Variants in NELL2 observed in about 807,000 individuals in gnomAD.
NELL2 encodes the protein neural EGFL like 2.
NELL2 carries 41 observed loss-of-function variants against 109.6 expected under a neutral mutation model. That is an observed-to-expected ratio of 0.37 (90% CI 0.29 to 0.49). NELL2 has a LOEUF of 0.49. NELL2 is among the 20% of genes least tolerant of loss of function. The pLI is 0.98. For missense variants in NELL2, 900 were observed against 1,008.3 expected (o/e 0.89, Z 1.45); for synonymous variants, 355 against 344.7 (o/e 1.03, Z -0.33).
chr12:44,618,742 A>C (rs1013855674), intron 13 of NELL2, among the ~76,000 whole-genome samples: 1 of 152,186 alleles, frequency 6.6e-6, no homozygotes, highest in African/African-American at 2.4e-5. Flanking sequence ...ACTATGATAT[A>C]TTGTAGAAGT....
intron 2 of NELL2, among the ~76,000 whole-genome samples, chr12:44,825,524 TAGC>T (rs1399586743): frequency 4.1e-5 from 6 of 146,490 alleles, no homozygotes; most frequent in Non-Finnish European, 7.5e-5. Context: ...GCCTCCCCAA[TAGC>T]TGGAGCTACA....
upstream of NELL2, among the ~76,000 whole-genome samples, chr12:44,877,479 A>G (rs932172843): frequency 3.9e-5 from 6 of 152,262 alleles, no homozygotes; most frequent in Non-Finnish European, 7.3e-5. Context: ...ACAAAGATCA[A>G]TTGGGTTTCT....
intron 12 of NELL2, among the ~76,000 whole-genome samples, chr12:44,686,483 G>C (rs982765848): frequency 3.3e-5 from 5 of 152,222 alleles, no homozygotes; most frequent in African/African-American, 9.7e-5. Flanking sequence ...TGGAGGAGGA[G>C]AGGCGCTCTG....
chr12:44,782,796 A>C (rs535346321), intron 3 of NELL2, among the ~76,000 whole-genome samples: 1 of 152,140 alleles, frequency 6.6e-6, no homozygotes, highest in Admixed American at 6.6e-5. Flanking sequence ...CCACAATTAC[A>C]GTTGCAGACG....
At chr12:44,734,489 T>G (rs1187793516) in intron 9 of NELL2, among the ~76,000 whole-genome samples, 1 of 151,986 alleles carries the variant, frequency 6.6e-6, no homozygotes, top group African/African-American at 2.4e-5. Flanking sequence ...AATTTTTAAA[T>G]AAACTGTCTT....
rs563731828 is a variant in NELL2 at position 44,827,707 on chromosome 12, T to C, written c.185-11571A>G. ...GTGTAAGTACCATATTTTCATTATC[T>C]ATCTGTTGGTGGACATTTTGGTTGC... is the stretch of plus-strand genomic sequence containing the variant. On this transcript the variant is annotated intron_variant, in intron 2 of 19. Transcript: ENST00000429094. 1.0e-3 allele frequency among the ~76,000 whole-genome samples: 157 copies of C among 152,332 alleles called. 1 individual carries two copies. The highest frequency in any genetic ancestry group is 3.2e-3 in the African/African-American group (135 of 41,578).
At chr12:44,683,051 G>C (rs1948581798) in intron 12 of NELL2, among the ~76,000 whole-genome samples, 1 of 152,160 alleles carries the variant, frequency 6.6e-6, no homozygotes, top group Non-Finnish European at 1.5e-5. Context: ...CTACCCGTGA[G>C]GATGGAATGT....
In NELL2 at chr12:44,638,072, C is replaced by T. The variant is rs546616627; in HGVS notation, c.1445-27102G>A. ...CCAGTAACTCTTTCACTCTCACTCC[C>T]GAGAATTTTCTTCCTCAATGAATTT... is the stretch of plus-strand genomic sequence containing the variant. On this transcript the variant is annotated intron_variant, in intron 13 of 19. Coordinates refer to ENST00000429094, the MANE Select transcript of NELL2 (RefSeq NM_001145108.2). Among the ~76,000 whole-genome samples, 11 of 152,156 alleles carry T rather than the reference C, an allele frequency of 7.2e-5. No individual in the cohort carries two copies. The South Asian group carries it at 2.1e-3, about 29-fold the overall frequency.
intron 1 of NELL2, among the ~76,000 whole-genome samples, chr12:44,904,453 T>C (rs566649361): frequency 9.2e-5 from 14 of 152,282 alleles, no homozygotes; most frequent in Admixed American, 9.2e-4. Context: ...CTCTCTTTTC[T>C]TGCCTGCTGA....
chr12:44,882,380 A>T (rs867877525), intron 1 of NELL2, among the ~76,000 whole-genome samples: 7 of 151,618 alleles, frequency 4.6e-5, no homozygotes, highest in Admixed American at 2.0e-4. Context: ...GAAAATATAC[A>T]TACATACGTG....
intron 12 of NELL2, among the ~76,000 whole-genome samples, chr12:44,691,020 G>T (rs905676186): frequency 6.6e-6 from 1 of 152,116 alleles, no homozygotes; most frequent in African/African-American, 2.4e-5. Context: ...TATTTTATAG[G>T]TAAGTCATTA....
chr12:44,619,192 G>A (rs1359769870), intron 13 of NELL2, among the ~76,000 whole-genome samples: 2 of 152,080 alleles, frequency 1.3e-5, no homozygotes, highest in African/African-American at 4.8e-5. Flanking sequence ...CACTGCAGCT[G>A]GAGAAAACAC....
chr12:44,855,137 C>T (rs1157917389), intron 2 of NELL2, among the ~76,000 whole-genome samples: 1 of 152,072 alleles, frequency 6.6e-6, no homozygotes, highest in Non-Finnish European at 1.5e-5. Context: ...TATATCACTC[C>T]TCAATTTGTA....
rs567872106 is a variant in NELL2 at position 44,579,681 on chromosome 12, T to C, written c.1663+27488A>G. On this transcript the variant is annotated intron_variant, in intron 15 of 19. Transcript: ENST00000429094. The stretch of plus-strand genomic sequence containing the variant: ...TACCAAGAAACACAGTTTAACTGTG[T>C]CAAATACAGTTAAACTGTTTTCTCA... 1.1e-3 allele frequency among the ~76,000 whole-genome samples: 161 copies of C among 152,286 alleles called. 2 individuals are homozygous for C. Among genetic ancestry groups the C allele is most frequent in the Admixed American group, 3.3e-3 (50 of 15,304 alleles).
At chr12:44,862,222 TCTGAG>T (rs1171195925) in intron 2 of NELL2, among the ~76,000 whole-genome samples, 2 of 152,256 alleles carry the variant, frequency 1.3e-5, no homozygotes. Flanking sequence ...CAGTGTTTAC[TCTGAG>T]CTAACTTTGC....
intron 13 of NELL2, among the ~76,000 whole-genome samples, chr12:44,643,642 A>G (rs1203693822): frequency 6.6e-6 from 1 of 152,194 alleles, no homozygotes; most frequent in Non-Finnish European, 1.5e-5. Flanking sequence ...TCATACATAT[A>G]CAAAAGAAAT....
chr12:44,746,833 A>G (rs932547640), intron 9 of NELL2, among the ~76,000 whole-genome samples: 1 of 152,152 alleles, frequency 6.6e-6, no homozygotes, highest in Non-Finnish European at 1.5e-5. Flanking sequence ...AAATAGGAAC[A>G]CTTTTACACT....
intron 1 of NELL2, among the ~76,000 whole-genome samples, chr12:44,902,006 C>T (rs1945666114): frequency 6.6e-6 from 1 of 152,170 alleles, no homozygotes; most frequent in South Asian, 2.1e-4. Context: ...CAAGGATACC[C>T]TCTCTCATCA....
chr12:44,816,033 G>T lies in NELL2; in HGVS notation c.288C>A (p.Thr96=). ...EFTILVTLKQ[T]HLNSGVILSI... ...AGAGAATAACTCCTGAATTTAAGTG[G>T]GTCTGTTTTAGGGTCACCAAAATAG... Residue 96 remains threonine, a synonymous_variant, in exon 3 of 20, where the codon ACC becomes ACA. Transcript: ENST00000429094. 1.2e-6 allele frequency: 2 copies of T among 1,612,498 alleles called. No homozygotes were observed. The highest frequency in any genetic ancestry group is 1.1e-5 in the South Asian group (1 of 90,538).
Sources: gnomAD v4.1 joint callset for allele counts (sites outside exome capture counted in the v4.1 genomes callset) on GRCh38, gnomAD v4.1.1 for gene constraint, MANE v1.5 for transcripts, NCBI Gene and HGNC (gene_info 2026-07-23, HGNC 2026-07-21) for gene names.